PTPRD: variants seen among roughly 807,000 people sequenced by gnomAD.
PTPRD encodes the protein receptor-type tyrosine-protein phosphatase delta.
A neutral mutation model predicts 214.5 loss-of-function variants in PTPRD; 34 were observed. The observed-to-expected ratio is 0.16, with a 90% CI of 0.12 to 0.21. The LOEUF (loss-of-function observed/expected upper bound fraction) is 0.21. PTPRD is among the 10% of genes least tolerant of loss of function. The pLI is 1.00. For missense variants in PTPRD, 2,545 were observed against 2,398.7 expected, an observed-to-expected ratio of 1.06 and a Z score of -1.27; for synonymous variants, 1,128 against 845.7, an observed-to-expected ratio of 1.33 and a Z score of -5.79.
chr9:9,640,423 T>C (rs1564237326), intron 7 of PTPRD, among the ~76,000 whole-genome samples: 1 of 152,174 alleles, frequency 6.6e-6, no homozygotes. Flanking sequence ...CCTGTTGACA[T>C]TGTTTTCTTA....
At chr9:9,459,495 T>A (rs147121374) in intron 8 of PTPRD, among the ~76,000 whole-genome samples, 357 of 152,178 alleles carry the variant, frequency 2.3e-3, no homozygotes, top group Admixed American at 4.9e-3. Flanking sequence ...GATAAATGAT[T>A]TCAATAAATT....
chr9:8,782,187 T>C (rs1192312721), intron 11 of PTPRD, among the ~76,000 whole-genome samples: 1 of 148,478 alleles, frequency 6.7e-6, no homozygotes, highest in East Asian at 2.0e-4. Context: ...ATTGCATATG[T>C]GTACATATAC....
chr9:9,446,318 T>C (rs909334483), intron 8 of PTPRD, among the ~76,000 whole-genome samples: 1 of 152,158 alleles, frequency 6.6e-6, no homozygotes, highest in East Asian at 1.9e-4. Flanking sequence ...AAGATAGGTC[T>C]CTTCACAGAT....
At chr9:9,518,144 G>A (rs1040186483) in intron 8 of PTPRD, among the ~76,000 whole-genome samples, 2 of 151,952 alleles carry the variant, frequency 1.3e-5, no homozygotes, top group African/African-American at 2.4e-5. Context: ...CACTTAATTT[G>A]GGATTTTTAA....
intron 11 of PTPRD, among the ~76,000 whole-genome samples, chr9:8,983,640 C>T (rs1457404803): frequency 6.6e-6 from 1 of 151,946 alleles, no homozygotes; most frequent in Non-Finnish European, 1.5e-5. Context: ...TCCAGGGAAG[C>T]TAGGACTGCA....
chr9:10,323,276 TCC>T (rs1161318890), intron 3 of PTPRD, among the ~76,000 whole-genome samples: 1 of 57,068 alleles, frequency 1.8e-5, no homozygotes, highest in African/African-American at 7.3e-5. Context: ...TCCCCTCCCC[TCC>T]CCTCTCCTCC....
At chr9:8,661,599 C>T (rs959830156) in intron 12 of PTPRD, among the ~76,000 whole-genome samples, 1 of 152,002 alleles carries the variant, frequency 6.6e-6, no homozygotes, top group Admixed American at 6.6e-5. Context: ...TTTTCACTAA[C>T]GTTTAAAAAT....
chr9:9,485,353 C>T (rs899906894), intron 8 of PTPRD, among the ~76,000 whole-genome samples: 1 of 151,970 alleles, frequency 6.6e-6, no homozygotes, highest in African/African-American at 2.4e-5. Flanking sequence ...TTAGAAGAAA[C>T]GTTTTGGAAT....
At chr9:10,555,012 T>C (rs1176988255) in intron 2 of PTPRD, among the ~76,000 whole-genome samples, 1 of 152,124 alleles carries the variant, frequency 6.6e-6, no homozygotes, top group Non-Finnish European at 1.5e-5. Flanking sequence ...TGTGTTAGAG[T>C]AGTGATTAAA....
At chr9:9,951,487 C>A (rs763713954) in intron 4 of PTPRD, among the ~76,000 whole-genome samples, 1 of 152,116 alleles carries the variant, frequency 6.6e-6, no homozygotes. Context: ...GACACTTGAG[C>A]GGATAAGCAT....
At chr9:8,534,840 T>C (rs1361107338) in intron 14 of PTPRD, among the ~76,000 whole-genome samples, 1 of 151,854 alleles carries the variant, frequency 6.6e-6, no homozygotes, top group East Asian at 1.9e-4. Context: ...AAATAGATAC[T>C]TTAAAACAAG....
chr9:8,538,046 G>A (rs951969519), intron 14 of PTPRD, among the ~76,000 whole-genome samples: 3 of 151,850 alleles, frequency 2.0e-5, no homozygotes, highest in African/African-American at 7.3e-5. Flanking sequence ...ATACCTGAAC[G>A]TTTAACTAAA....
At chr9:10,450,204 C>A (rs543633879) in intron 2 of PTPRD, among the ~76,000 whole-genome samples, 34 of 151,544 alleles carry the variant, frequency 2.2e-4, no homozygotes, top group Non-Finnish European at 4.4e-4. Context: ...CCTGGCAAAT[C>A]CCCCTCTCCA....
chr9:8,743,516 G>A (rs1203816908), intron 11 of PTPRD, among the ~76,000 whole-genome samples: 1 of 151,988 alleles, frequency 6.6e-6, no homozygotes, highest in African/African-American at 2.4e-5. Flanking sequence ...ATAGTGGAAC[G>A]GTGAAAGGCT....
chr9:9,968,844 A>G (rs552590654), intron 4 of PTPRD, among the ~76,000 whole-genome samples: 2 of 152,174 alleles, frequency 1.3e-5, no homozygotes, highest in Admixed American at 6.5e-5. Context: ...AATGAAAAAG[A>G]ACCAAAGACA....
intron 11 of PTPRD, among the ~76,000 whole-genome samples, chr9:8,867,563 G>A (rs1423200378): frequency 6.6e-6 from 1 of 152,020 alleles, no homozygotes; most frequent in East Asian, 1.9e-4. Flanking sequence ...TTTAATCCTT[G>A]CACCCACCGT....
intron 2 of PTPRD, among the ~76,000 whole-genome samples, chr9:10,558,533 A>G (rs1299105850): frequency 1.3e-5 from 2 of 152,100 alleles, no homozygotes; most frequent in Non-Finnish European, 2.9e-5. Context: ...AGGTGCAGCT[A>G]CTTAGCCATG....
At chr9:8,347,426 C>T (rs185367392) in intron 39 of PTPRD, among the ~76,000 whole-genome samples, 104 of 152,246 alleles carry the variant, frequency 6.8e-4, no homozygotes, top group Middle Eastern at 6.8e-3. Flanking sequence ...GCAGAACAAA[C>T]GTGATCTTTC....
At chr9:9,018,480 T>A (rs914032498) in intron 11 of PTPRD, among the ~76,000 whole-genome samples, 1 of 152,192 alleles carries the variant, frequency 6.6e-6, no homozygotes, top group African/African-American at 2.4e-5. Flanking sequence ...ACATAATATT[T>A]TTGTGTCTGC....
Sources: gnomAD v4.1 joint callset for allele counts (sites outside exome capture counted in the v4.1 genomes callset) on GRCh38, gnomAD v4.1.1 for gene constraint, MANE v1.5 for transcripts, NCBI Gene and HGNC (gene_info 2026-07-23, HGNC 2026-07-21) for gene names.